Variants in RAP1GAP observed in about 807,000 individuals in gnomAD.
RAP1GAP encodes the protein RAP1 GTPase activating protein, also known as rap1 GTPase-activating protein 1.
A neutral mutation model predicts 87.2 loss-of-function variants in RAP1GAP; 35 were observed. The ratio of observed to expected loss-of-function variants is 0.40; its 90% confidence interval spans 0.31 to 0.53. The LOEUF is 0.53. RAP1GAP is among the 20% of genes least tolerant of loss of function. The pLI is 0.48. For missense variants in RAP1GAP, 734 were observed against 898.9 expected (o/e 0.82, Z 2.35); for synonymous variants, 375 against 363.9 (o/e 1.03, Z -0.35).
chr1:21,652,385 C>T (rs1190245727), intron 1 of RAP1GAP, among the ~76,000 whole-genome samples: 1 of 152,228 alleles, frequency 6.6e-6, no homozygotes, highest in Non-Finnish European at 1.5e-5. Flanking sequence ...GGCCCAGGCC[C>T]TGGCGTACAG....
At position 21,598,564 on chromosome 1, in the gene RAP1GAP, C is replaced by A; in HGVS notation, c.1777-62G>T. Reference sequence around the variant, plus strand: ...TATGCCCTTGGCACTGGCTAGGGCTCCCTCCCAGCCCCTCTCCCTCACTGC... The same window carrying A: ...TATGCCCTTGGCACTGGCTAGGGCTACCTCCCAGCCCCTCTCCCTCACTGC... On this transcript the variant is annotated intron_variant, in intron 21 of 24. Coordinates refer to ENST00000374765, the MANE Select transcript of RAP1GAP (RefSeq NM_002885.4). 3.9e-6 allele frequency: 5 copies of A among 1,274,030 alleles called. No homozygotes were observed. In the South Asian group the frequency reaches 6.2e-5, roughly 16 times the overall value. 78.9% of individuals were successfully genotyped at this position (1,274,030 alleles called of 1,614,324 possible).
At chr1:21,653,580 C>CT (rs1200787107) in intron 1 of RAP1GAP, among the ~76,000 whole-genome samples, 1 of 121,968 alleles carries the variant, frequency 8.2e-6, no homozygotes, top group Non-Finnish European at 1.9e-5. Context: ...TCCTTCCTTC[C>CT]TTCCTTCCTT....
At position 21,608,874 on chromosome 1, in the gene RAP1GAP, C is replaced by T; in HGVS notation, c.1134G>A (p.Lys378=). The T allele has an allele frequency of 6.2e-7, 1 of 1,614,158 alleles. No individual in the cohort carries two copies. Among genetic ancestry groups the T allele is most frequent in the Non-Finnish European group, 8.5e-7 (1 of 1,179,996 alleles). ...CCTCCAGTTTGGCAAACTTCTCTGC[C>T]TTGTAGCAGGCATATTCAGCATTGA... ...KLINAEYACY[K]AEKFAKLEER... is the part of the protein sequence containing the mutation. Residue 378 remains lysine (K), a synonymous_variant, in exon 16 of 25, where the codon AAG becomes AAA. Transcript: ENST00000374765.
chr1:21,651,851 C>A (rs1468254814), intron 1 of RAP1GAP: 1 of 1,114,932 alleles, frequency 9.0e-7, no homozygotes, highest in Non-Finnish European at 1.1e-6. Context: ...CGGCCCGGCC[C>A]GCGCGAGCCG....
In RAP1GAP at chr1:21,603,907, C is replaced by T; in HGVS notation, c.1429-994G>A. The T allele has an allele frequency of 6.5e-7, 1 of 1,539,882 alleles. No homozygotes were observed. ...TACTCGCACTTTTCCCAGGAATAAG[C>T]AATGACTGGCAAGCAGCAGAGGGCG... On this transcript the variant is annotated intron_variant, in intron 18 of 24. Transcript: ENST00000374765. This position sits in a 1 kb window ranked among gnomAD's most constrained non-coding sequence, Gnocchi z 6.0.
At chr1:21,602,950 T>A in intron 18 of RAP1GAP, 37 bp from the exon 19 acceptor site, 2 of 1,477,280 alleles carry the variant, frequency 1.4e-6, no homozygotes, top group Non-Finnish European at 1.8e-6. Flanking sequence ...CCACCTTACC[T>A]GGGAGCCCCA....
At position 21,611,796 on chromosome 1, in the gene RAP1GAP, G is replaced by A. The variant is rs1355536664; in HGVS notation, c.633C>T (p.Phe211=). The part of the protein sequence containing the change: ...KLGQTSEEEL[F]STNEESPAFV... ...AAGCGGGACTTTCCTCATTGGTGCTGAAGAGTTCTTCCTCGGAGGTCTGGG... is the reference window on the plus strand; with the variant it reads ...AAGCGGGACTTTCCTCATTGGTGCTAAAGAGTTCTTCCTCGGAGGTCTGGG... The change falls in exon 12 of 25, where the codon TTC becomes TTT. Residue 211 remains phenylalanine, a synonymous_variant. Transcript: ENST00000374765. 1.2e-6 allele frequency: 2 copies of A among 1,613,656 alleles called. No individual in the cohort carries two copies. The highest frequency in any genetic ancestry group is 2.2e-5 in the South Asian group (2 of 91,080).
At chr1:21,643,761 G>A (rs2095769434) in intron 2 of RAP1GAP, among the ~76,000 whole-genome samples, 2 of 152,136 alleles carry the variant, frequency 1.3e-5, no homozygotes, top group African/African-American at 2.4e-5. Flanking sequence ...CATTTCATTC[G>A]AAGCAATACT....
At position 21,613,621 on chromosome 1, in the gene RAP1GAP, A is replaced by G. The variant is rs763689402; in HGVS notation, c.474+7T>C. 1 of 1,609,074 alleles carries G rather than the reference A, an allele frequency of 6.2e-7. No individual in the cohort carries two copies. The highest frequency in any genetic ancestry group is 8.5e-7 in the Non-Finnish European group (1 of 1,175,564). On this transcript the variant is annotated splice_region_variant and intron_variant, in intron 9 of 24. Coordinates refer to ENST00000374765, the MANE Select transcript of RAP1GAP (RefSeq NM_002885.4). This position sits in a 1 kb window ranked among gnomAD's most constrained non-coding sequence, Gnocchi z 4.7. ...GCCCGGGAAGCTCAGCGGAGCGGAGACCTCACCTTTGCCATCTGGACAACA... is the reference window on the plus strand; with the variant it reads ...GCCCGGGAAGCTCAGCGGAGCGGAGGCCTCACCTTTGCCATCTGGACAACA...
chr1:21,611,607 C>A, intron 12 of RAP1GAP, 26 bp from the exon 13 acceptor site: 2 of 1,613,964 alleles, frequency 1.2e-6, no homozygotes, highest in Non-Finnish European at 1.7e-6. Context: ...CCAGGCCACG[C>A]CTCAGTCTCC....
At chr1:21,655,154 GAAGAA>G (rs561936550) in intron 1 of RAP1GAP, among the ~76,000 whole-genome samples, 23 of 149,788 alleles carry the variant, frequency 1.5e-4, no homozygotes, top group Non-Finnish European at 2.7e-4. Flanking sequence ...AAAAAAAAAA[GAAGAA>G]AAGAAAAAAA....
intron 16 of RAP1GAP, 126 bp from the exon 17 acceptor site, chr1:21,608,476 G>T: frequency 7.7e-7 from 1 of 1,303,386 alleles, no homozygotes; most frequent in Non-Finnish European, 1.0e-6. Context: ...TGGGGAGGGC[G>T]GAGGGCTCCT....
At chr1:21,619,889 C>G in intron 4 of RAP1GAP, 126 bp downstream of exon 4, 1 of 997,742 alleles carries the variant, frequency 1.0e-6, no homozygotes, top group Non-Finnish European at 1.5e-6. Flanking sequence ...CAACCAATAG[C>G]CACCATCTTC....
At chr1:21,647,627 A>C (rs897207904) in intron 2 of RAP1GAP, among the ~76,000 whole-genome samples, 1 of 152,110 alleles carries the variant, frequency 6.6e-6, no homozygotes. Flanking sequence ...AGAGAGGGAA[A>C]ATGACTTGCC....
chr1:21,642,134 G>A (rs1344215584), intron 2 of RAP1GAP, among the ~76,000 whole-genome samples: 1 of 152,232 alleles, frequency 6.6e-6, no homozygotes, highest in Non-Finnish European at 1.5e-5. Context: ...CAAAGCCAGT[G>A]TTCTCAGGGC....
At position 21,611,770 on chromosome 1, in the gene RAP1GAP, A is replaced by G; in HGVS notation, c.659T>C (p.Phe220Ser). 6.2e-7 allele frequency: 1 copy of G among 1,614,096 alleles called. No individual in the cohort carries two copies. Among genetic ancestry groups the G allele is most frequent in the Non-Finnish European group, 8.5e-7 (1 of 1,179,918 alleles). The change falls in exon 12 of 25, where the codon TTC (phenylalanine) becomes TCC (serine). Residue 220 changes from phenylalanine to serine, a missense_variant. This residue lies in a region of RAP1GAP where 485 missense variants were observed against 646.2 expected (regional missense o/e 0.75). Coordinates refer to ENST00000374765, the MANE Select transcript of RAP1GAP (RefSeq NM_002885.4). ...LFSTNEESPA[F>S]VEFLEFLGQK... ...GCCAAGAAATTCAAGGAACTCCACG[A>G]AAGCGGGACTTTCCTCATTGGTGCT...
In RAP1GAP at chr1:21,633,091, A is replaced by T. The variant is rs184269057; in HGVS notation, c.-112-6694T>A. ...GAGAGATAATGTACCCACCTCATAG[A>T]GTTGCTATAAAGTGCTTGTAATTAT... On this transcript the variant is annotated intron_variant, in intron 2 of 24. Coordinates refer to ENST00000374765, the MANE Select transcript of RAP1GAP (RefSeq NM_002885.4). Among the ~76,000 whole-genome samples the T allele has an allele frequency of 2.2e-4, 33 of 152,274 alleles. No individual in the cohort carries two copies. The East Asian group carries it at 6.4e-3, about 29-fold the overall frequency.
In RAP1GAP at chr1:21,617,396, G is replaced by A. The variant is rs149556293; in HGVS notation, c.201C>T (p.Pro67=). The A allele has an allele frequency of 1.2e-4, 193 of 1,603,218 alleles. No homozygotes were observed. In the Middle Eastern group the frequency reaches 1.5e-3, roughly 12 times the overall value. ...TGGGCGACTGCAGTGGCTCTGTCTC[G>A]GGGATGCTGGTGATTTCGTGGTTGG... is the stretch of plus-strand genomic sequence containing the variant. The part of the protein sequence containing the change: ...EGTNHEITSI[P]ETEPLQSPTT... Residue 67 remains proline (P), a synonymous_variant, in exon 7 of 25, where the codon CCC becomes CCT. Coordinates refer to ENST00000374765, the MANE Select transcript of RAP1GAP (RefSeq NM_002885.4).
At position 21,597,976 on chromosome 1, in the gene RAP1GAP, C is replaced by T. The variant is rs528667189; in HGVS notation, c.1968G>A (p.Gln656=). 108 of 1,571,978 alleles carry T rather than the reference C, an allele frequency of 6.9e-5. No individual in the cohort carries two copies. In the South Asian group the frequency reaches 1.2e-3, roughly 18 times the overall value. Residue 656 remains glutamine, a synonymous_variant, in exon 23 of 25, where the codon CAG becomes CAA. Coordinates refer to ENST00000374765, the MANE Select transcript of RAP1GAP (RefSeq NM_002885.4). ...CTGCACGTACCAGCTGGGGCATGTG[C>T]TGCTCAGATGCTTCCAGCTGGATCT... The part of the protein sequence containing the change: ...EIKIQLEASE[Q]HMPQLGC
Sources: allele counts gnomAD v4.1 joint callset (sites outside exome capture counted in the v4.1 genomes callset), GRCh38; gene constraint gnomAD v4.1.1; regional missense constraint gnomAD v4.1.1; non-coding constraint Gnocchi (gnomAD v3.1); transcripts MANE v1.5; gene names NCBI Gene and HGNC (gene_info 2026-07-23, HGNC 2026-07-21).